The following C4orf50 variants were observed in gnomAD, a reference collection of about 807,000 sequenced individuals.
C4orf50 encodes chromosome 4 open reading frame 50, also known as uncharacterized protein C4orf50.
Under a neutral mutation model 77.2 loss-of-function variants are expected in C4orf50, and 80 were observed. The ratio of observed to expected loss-of-function variants is 1.04; its 90% CI spans 0.87 to 1.25. The LOEUF (loss-of-function observed/expected upper bound fraction) is 1.25, where lower values mean the gene tolerates loss of function less well. Among genes scored for constraint, C4orf50 ranks in the 50% most tolerant of loss-of-function variants. The pLI, the probability that C4orf50 is intolerant of heterozygous loss-of-function variation, is 0.00. For missense variants in C4orf50, 1,257 were observed against 1,152.9 expected (o/e 1.09, Z -1.31); for synonymous variants, 532 against 465.3 (o/e 1.14, Z -1.84).
intron 7 of C4orf50, among the ~76,000 whole-genome samples, chr4:5,930,688 T>A (rs1432173592): frequency 6.6e-6 from 1 of 152,158 alleles, no homozygotes; most frequent in Non-Finnish European, 1.5e-5. Context: ...ACCCTCTGGC[T>A]CTCTCCAGAG....
chr4:5,989,143 T>C, exon 28 of C4orf50: 3 of 679,298 alleles, frequency 4.4e-6, no homozygotes, highest in South Asian at 8.2e-5. Context: ...TTTTGTCACC[T>C]CTCTCTCTCT....
In C4orf50 at chr4:5,932,073, GTC is replaced by G. The variant is rs1159798320; in HGVS notation, c.*2474+24826_*2474+24827del. ...CCCCCGCCCCCCACCCCTGCCAACT[GTC>G]TCTAATTTCCGTGCAATGTTTGGCC... On this transcript the variant is annotated intron_variant, in intron 7 of 7. Coordinates refer to the C4orf50 transcript ENST00000324058. This position sits in a 1 kb window ranked among gnomAD's most constrained non-coding sequence, Gnocchi z 4.2. Among the ~76,000 whole-genome samples the G allele has an allele frequency of 7.8e-5, 9 of 115,926 alleles. No homozygotes were observed. Among genetic ancestry groups the G allele is most frequent in the African/African-American group, 2.1e-4 (6 of 28,134 alleles). 76.1% of individuals were successfully genotyped at this position (115,926 alleles called of 152,430 possible).
At chr4:5,899,762 C>T (rs1311017619) in intron 7 of C4orf50, 1 of 152,196 alleles carries the variant, frequency 6.6e-6, no homozygotes, top group East Asian at 1.9e-4. Context: ...CACTGGGGAG[C>T]TTTTCAAATA....
At chr4:5,980,093 G>T (rs1235101091) in intron 29 of C4orf50, 81 bp downstream of exon 7, 3 of 1,250,444 alleles carry the variant, frequency 2.4e-6, no homozygotes, top group Admixed American at 5.1e-5. Flanking sequence ...GAAGACCTCA[G>T]CAAATCTTTG....
intron 25 of C4orf50, among the ~76,000 whole-genome samples, chr4:5,998,557 A>G (rs1411594312): frequency 1.3e-5 from 2 of 152,312 alleles, no homozygotes; most frequent in Admixed American, 6.5e-5. Context: ...GGGATCATCC[A>G]GTCACTCCTG....
rs1175535920 is a variant in C4orf50 at position 5,900,108 on chromosome 4, G to A, written c.*2475-1920C>T. ...TGGCTGAGTTCTCAGAAGGTTTCAC[G>A]TTTCAGACCTAGAATTTCACCCTGG... On this transcript the variant is annotated intron_variant, in intron 7 of 7. Coordinates refer to the C4orf50 transcript ENST00000324058. This position sits in a 1 kb window ranked among gnomAD's most constrained non-coding sequence, Gnocchi z 4.3. 2.6e-5 allele frequency: 4 copies of A among 152,140 alleles called. No homozygotes were observed. The highest frequency in any genetic ancestry group is 1.3e-4 in the Admixed American group (2 of 15,274). 9.4% of individuals were successfully genotyped at this position (152,140 alleles called of 1,614,324 possible). A position where few individuals can be genotyped will look rare whatever the true frequency, so the allele number is the denominator to read the frequency against.
At chr4:5,964,060 C>A (rs183551202) in intron 33 of C4orf50, among the ~76,000 whole-genome samples, 9 of 152,286 alleles carry the variant, frequency 5.9e-5, no homozygotes, top group Admixed American at 2.0e-4. Context: ...CTGAAGCCAT[C>A]TGAGAGCTAC....
downstream of C4orf50, among the ~76,000 whole-genome samples, chr4:5,954,355 G>A (rs114431945): frequency 4.1e-3 from 630 of 152,196 alleles, 5 homozygotes; most frequent in African/African-American, 0.014. The surrounding 1 kb of genome is among the most constrained non-coding windows in gnomAD (Gnocchi z 4.7). Context: ...CAGCTCCCCC[G>A]ACCCCTGCCC....
chr4:5,984,690 C>T (rs1444808760), intron 28 of C4orf50, among the ~76,000 whole-genome samples: 1 of 151,916 alleles, frequency 6.6e-6, no homozygotes, highest in Non-Finnish European at 1.5e-5. Flanking sequence ...TTTTTTAAAA[C>T]TGATACAGGA....
downstream of C4orf50, among the ~76,000 whole-genome samples, chr4:5,953,431 C>T (rs976919640): frequency 2.0e-5 from 3 of 152,192 alleles, no homozygotes; most frequent in African/African-American, 7.2e-5. Flanking sequence ...AGTCCTTGTC[C>T]AGTACTAACC....
intron 7 of C4orf50, chr4:5,899,476 T>G (rs1207682148): frequency 6.6e-6 from 1 of 152,190 alleles, no homozygotes; most frequent in African/African-American, 2.4e-5. Context: ...CATCATGCAT[T>G]TCATTTCTTT....
intron 7 of C4orf50, among the ~76,000 whole-genome samples, chr4:5,926,735 G>C (rs955463161): frequency 5.9e-5 from 9 of 152,064 alleles, no homozygotes; most frequent in African/African-American, 1.2e-4. Flanking sequence ...AATAAACCAG[G>C]CTGTAAGTTC....
At position 6,009,791 on chromosome 4, in the gene C4orf50, G is replaced by C. The variant is rs910444204; in HGVS notation, c.427-1259C>G. Among the ~76,000 whole-genome samples, 30 of 152,206 alleles carry C rather than the reference G, an allele frequency of 2.0e-4. No homozygotes were observed. The highest frequency in any genetic ancestry group is 7.2e-4 in the African/African-American group (30 of 41,464). On this transcript the variant is annotated intron_variant, in intron 24 of 33. Coordinates refer to ENST00000531445, the Ensembl canonical transcript of C4orf50. This position sits in a 1 kb window ranked among gnomAD's most constrained non-coding sequence, Gnocchi z 5.6. ...TTCAAAATACAGATGTTTGCAGCGAGAGATTTAGGGTTAGAGGGTTGGGGG... is the reference window on the plus strand; with the variant it reads ...TTCAAAATACAGATGTTTGCAGCGACAGATTTAGGGTTAGAGGGTTGGGGG...
chr4:5,945,090 C>G (rs560417301), intron 7 of C4orf50, among the ~76,000 whole-genome samples: 1 of 152,290 alleles, frequency 6.6e-6, no homozygotes, highest in South Asian at 2.1e-4. Context: ...GGCTCTAGCA[C>G]TGGAGCGTGC....
intron 7 of C4orf50, among the ~76,000 whole-genome samples, chr4:5,946,434 G>A (rs554250663): frequency 0.033 from 3,035 of 93,236 alleles, 45 homozygotes; most frequent in Middle Eastern, 0.064. Context: ...AGAATAAATC[G>A]TAAGTGTTAG....
At chr4:5,906,047 G>A (rs1027646276) in intron 7 of C4orf50, among the ~76,000 whole-genome samples, 3 of 152,214 alleles carry the variant, frequency 2.0e-5, no homozygotes, top group African/African-American at 4.8e-5. Context: ...GTGGAGGCGC[G>A]GACAGCAAGA....
Position 6,015,976 on chromosome 4 carries a change from C to T in C4orf50, c.287+2169G>A, listed in dbSNP as rs777570373. Among the ~76,000 whole-genome samples, 21 of 152,268 alleles carry T rather than the reference C, an allele frequency of 1.4e-4. No homozygotes were observed. The highest frequency in any genetic ancestry group is 1.2e-3 in the South Asian group (6 of 4,822). On this transcript the variant is annotated intron_variant, in intron 23 of 33. Coordinates refer to ENST00000531445, the Ensembl canonical transcript of C4orf50. The surrounding 1 kb of genome is among the most constrained non-coding windows in gnomAD (Gnocchi z 4.4). ...TAGTCCCAGCCTGCGTGAGTGTGCG[C>T]GTGGGTGTGAGTGTCCTGTTCAGGC...
At position 6,017,722 on chromosome 4, in the gene C4orf50, C is replaced by T; in HGVS notation, c.287+423G>A. Among the ~76,000 whole-genome samples the T allele has an allele frequency of 6.6e-6, 1 of 152,140 alleles. No individual in the cohort carries two copies. The highest frequency in any genetic ancestry group is 1.9e-4 in the East Asian group (1 of 5,184). The stretch of plus-strand genomic sequence containing the variant: ...AAACCATGCTTCTGTCTGCCAGTTC[C>T]CCTAAAAAAATCACCCCAAACCGAC... On this transcript the variant is annotated intron_variant, in intron 23 of 33. Transcript: ENST00000531445. This position sits in a 1 kb window ranked among gnomAD's most constrained non-coding sequence, Gnocchi z 4.7.
At position 5,940,645 on chromosome 4, in the gene C4orf50, T is replaced by C. The variant is rs574794362; in HGVS notation, c.*2474+16256A>G. Among the ~76,000 whole-genome samples the C allele has an allele frequency of 2.0e-5, 3 of 152,298 alleles. No individual in the cohort carries two copies. In the East Asian group the frequency reaches 5.8e-4, roughly 29 times the overall value. ...CTCCCACCTCTGTGTGCACATTCAT[T>C]TGTAATGTGACTCCCCTGCCCCTCC... On this transcript the variant is annotated intron_variant, in intron 7 of 7. Coordinates refer to the C4orf50 transcript ENST00000324058.
Sources: allele counts gnomAD v4.1 joint callset (sites outside exome capture counted in the v4.1 genomes callset), GRCh38; gene constraint gnomAD v4.1.1; non-coding constraint Gnocchi (gnomAD v3.1); transcripts MANE v1.5; gene names NCBI Gene and HGNC (gene_info 2026-07-23, HGNC 2026-07-21).